ZNF608: variants seen among roughly 807,000 people sequenced by gnomAD.
ZNF608 encodes zinc finger protein 608, also known as renal carcinoma antigen NY-REN-36.
In ZNF608, 12 loss-of-function variants were observed where a neutral mutation model predicts 109.0. The observed-to-expected ratio is 0.11, with a 90% CI of 0.07 to 0.18. The LOEUF is 0.18. Among genes scored for constraint, ZNF608 ranks in the 10% least tolerant of loss-of-function variants. The pLI is 1.00. For synonymous variants in ZNF608, 732 were observed against 717.4 expected (o/e 1.02, Z -0.33); for missense variants, 1,707 against 1,879.3 (o/e 0.91, Z 1.70).
At chr5:124,729,654 T>C (rs1748796702) in intron 2 of ZNF608, among the ~76,000 whole-genome samples, 1 of 152,242 alleles carries the variant, frequency 6.6e-6, no homozygotes, top group Non-Finnish European at 1.5e-5. Context: ...TATATCTATG[T>C]GTGTTTATAA....
chr5:124,726,862 T>C (rs1181243093), intron 2 of ZNF608, among the ~76,000 whole-genome samples: 1 of 152,184 alleles, frequency 6.6e-6, no homozygotes, highest in African/African-American at 2.4e-5. Context: ...TTTAACAGCA[T>C]GTGCAGTCGG....
intron 2 of ZNF608, chr5:124,710,725 A>G (rs929435955): frequency 1.3e-5 from 2 of 153,444 alleles, no homozygotes; most frequent in Non-Finnish European, 2.9e-5. Flanking sequence ...TAAATTAAGC[A>G]AAGTTTTGAA....
intron 2 of ZNF608, among the ~76,000 whole-genome samples, chr5:124,737,957 A>G (rs995946911): frequency 6.6e-6 from 1 of 152,236 alleles, no homozygotes; most frequent in African/African-American, 2.4e-5. Flanking sequence ...GGGAGAAAGA[A>G]TTAGACACAG....
intron 2 of ZNF608, among the ~76,000 whole-genome samples, chr5:124,704,591 T>A (rs1444825177): frequency 6.6e-6 from 1 of 152,200 alleles, no homozygotes; most frequent in Non-Finnish European, 1.5e-5. Context: ...TCCAGTTTTT[T>A]TTAGCAACAC....
intron 3 of ZNF608, among the ~76,000 whole-genome samples, chr5:124,689,236 G>A (rs1459761075): frequency 1.3e-5 from 2 of 152,096 alleles, no homozygotes; most frequent in Admixed American, 6.5e-5. Flanking sequence ...TGATATGATT[G>A]TACTACTGCA....
At chr5:124,698,539 A>G (rs1752933942) in intron 3 of ZNF608, among the ~76,000 whole-genome samples, 1 of 152,224 alleles carries the variant, frequency 6.6e-6, no homozygotes, top group Non-Finnish European at 1.5e-5. Context: ...TTCTAAAGCT[A>G]TCAGTCCGCT....
chr5:124,707,765 C>T (rs190498083), intron 2 of ZNF608: 1 of 152,292 alleles, frequency 6.6e-6, no homozygotes, highest in African/African-American at 2.4e-5. Flanking sequence ...TTTAGCAAAG[C>T]AGGGGAAGCT....
At chr5:124,678,842 A>AT (rs1752074476) in intron 3 of ZNF608, among the ~76,000 whole-genome samples, 1 of 151,958 alleles carries the variant, frequency 6.6e-6, no homozygotes, top group Non-Finnish European at 1.5e-5. Context: ...AGATTGGTGT[A>AT]TTTTCCCAAG....
At chr5:124,640,138 G>A (rs980317422) in intron 8 of ZNF608, among the ~76,000 whole-genome samples, 5 of 152,074 alleles carry the variant, frequency 3.3e-5, no homozygotes, top group Admixed American at 2.6e-4. Context: ...CTTCACATTT[G>A]TATATCACTT....
chr5:124,693,843 G>A (rs762734688), intron 3 of ZNF608, among the ~76,000 whole-genome samples: 5 of 151,818 alleles, frequency 3.3e-5, no homozygotes, highest in East Asian at 1.9e-4. Context: ...ACAAAACCCC[G>A]GACAATTCCT....
In ZNF608 at chr5:124,648,552, T is replaced by A. The variant is rs755283599; in HGVS notation, c.1832A>T (p.Glu611Val). The change falls in exon 5 of 10, where the codon GAG (glutamate) becomes GTG (valine). Residue 611 changes from glutamate (E) to valine (V), a missense_variant. Coordinates refer to ENST00000513986, the MANE Select transcript of ZNF608 (RefSeq NM_020747.3). ...ATAAGCAGATACACTTGTGCTTGGCTCACTGCATTCAAGTGCCACATTACT... is the reference window on the plus strand; with the variant it reads ...ATAAGCAGATACACTTGTGCTTGGCACACTGCATTCAAGTGCCACATTACT... The part of the protein sequence containing the change: ...GLSNVALECS[E>V]PSTSVSAYDQ... The A allele has an allele frequency of 6.2e-7, 1 of 1,614,232 alleles. No homozygotes were observed. Among genetic ancestry groups the A allele is most frequent in the South Asian group, 1.1e-5 (1 of 91,090 alleles).
intron 2 of ZNF608, among the ~76,000 whole-genome samples, chr5:124,726,796 C>T (rs1209311190): frequency 6.6e-6 from 1 of 152,198 alleles, no homozygotes; most frequent in African/African-American, 2.4e-5. Flanking sequence ...TGCCCAACTC[C>T]GAGTCCAATC....
Position 124,646,749 on chromosome 5 carries a change from G to A in ZNF608, c.3635C>T (p.Ala1212Val), listed in dbSNP as rs544192483. Residue 1212 changes from alanine (A) to valine (V), a missense_variant, in exon 5 of 10, where the codon GCT (alanine) becomes GTT (valine). Transcript: ENST00000513986. Reference sequence around the variant, plus strand: ...GTCCATGACAGACTTCATTTCTACAGCCTCCTTAATAAGCTGGTGGTTTTC... The same window carrying A: ...GTCCATGACAGACTTCATTTCTACAACCTCCTTAATAAGCTGGTGGTTTTC... ...QMENHQLIKE[A>V]VEMKSVMDSM... 1 of 1,614,150 alleles carries A rather than the reference G, an allele frequency of 6.2e-7. No homozygotes were observed. Among genetic ancestry groups the A allele is most frequent in the Non-Finnish European group, 8.5e-7 (1 of 1,180,028 alleles).
In ZNF608 at chr5:124,649,124, C is replaced by A; in HGVS notation, c.1260G>T (p.Glu420Asp). The change falls in exon 5 of 10, where the codon GAG (glutamate) becomes GAT (aspartate). Residue 420 changes from glutamate to aspartate, a missense_variant. By Grantham distance (45) the Glu-to-Asp change is conservative. Transcript: ENST00000513986. ...KHDWAPPRFC[E>D]SPTSDLEMRG... The stretch of plus-strand genomic sequence containing the variant: ...TCATCTCCAGGTCACTTGTCGGTGA[C>A]TCACAAAACCTATGGAAGCAAGTAA... 6.4e-7 allele frequency: 1 copy of A among 1,556,636 alleles called. No homozygotes were observed. The highest frequency in any genetic ancestry group is 2.2e-5 in the Admixed American group (1 of 46,270).
chr5:124,697,621 C>G (rs1232481039), intron 3 of ZNF608, among the ~76,000 whole-genome samples: 1 of 152,172 alleles, frequency 6.6e-6, no homozygotes, highest in African/African-American at 2.4e-5. Flanking sequence ...CCAGAGGGAA[C>G]TTCACTAGTA....
chr5:124,647,664 C>T lies in ZNF608; in HGVS notation c.2720G>A (p.Ser907Asn), dbSNP rs780106811. Reference sequence around the variant, plus strand: ...TGGTGCCTGCCCGTTCACCAAAGTGCTGCATTCCAGCCTCGAGGCGCTCCC... The same window carrying T: ...TGGTGCCTGCCCGTTCACCAAAGTGTTGCATTCCAGCCTCGAGGCGCTCCC... Reference protein sequence around the residue: ...SIGSASRLECSTLVNGQAPMA... With the variant: ...SIGSASRLECNTLVNGQAPMA... Residue 907 changes from serine to asparagine, a missense_variant, in exon 5 of 10, where the codon AGC becomes AAC. Ser to Asn is a conservative substitution (Grantham distance 46). This residue lies in a region of ZNF608 where 1,073 missense variants were observed against 1,133.5 expected (regional missense o/e 0.95). Transcript: ENST00000513986. 6.2e-7 allele frequency: 1 copy of T among 1,614,234 alleles called. No individual in the cohort carries two copies. Among genetic ancestry groups the T allele is most frequent in the Admixed American group, 1.7e-5 (1 of 60,026 alleles).
intron 3 of ZNF608, among the ~76,000 whole-genome samples, chr5:124,693,672 C>T (rs1752706797): frequency 6.6e-6 from 1 of 152,126 alleles, no homozygotes; most frequent in South Asian, 2.1e-4. Flanking sequence ...TACTCAACAG[C>T]AGCTTATTTT....
chr5:124,683,816 G>A (rs1431604813), intron 3 of ZNF608, among the ~76,000 whole-genome samples: 1 of 152,180 alleles, frequency 6.6e-6, no homozygotes, highest in African/African-American at 2.4e-5. Flanking sequence ...TTAATACAAG[G>A]TATATATAAG....
intron 2 of ZNF608, among the ~76,000 whole-genome samples, chr5:124,709,198 A>AG (rs5871101): frequency 1.1e-4 from 16 of 149,620 alleles, no homozygotes; most frequent in Non-Finnish European, 2.2e-4. Context: ...AAAAAAAAAA[A>AG]TCTGGGTTCT....
Sources: gnomAD v4.1 joint callset for allele counts (sites outside exome capture counted in the v4.1 genomes callset) on GRCh38, gnomAD v4.1.1 for gene constraint, gnomAD v4.1.1 regional missense constraint, MANE v1.5 for transcripts, NCBI Gene and HGNC (gene_info 2026-07-23, HGNC 2026-07-21) for gene names.